NTRK2: variants seen among roughly 807,000 people sequenced by gnomAD.
NTRK2 encodes the protein BDNF/NT-3 growth factors receptor.
Under a neutral mutation model 94.5 loss-of-function variants are expected in NTRK2, and 13 were observed. That is an observed-to-expected ratio of 0.14 (90% CI 0.09 to 0.22). The LOEUF is 0.22. Ranked by LOEUF, NTRK2 falls within the 10% of genes least tolerant of loss-of-function variation. The probability of loss-of-function intolerance (pLI) is 1.00; values close to 1 mark genes in which losing one functional copy is unlikely to be tolerated. For missense variants in NTRK2, 639 were observed against 1,071.2 expected (o/e 0.60, Z 5.63); for synonymous variants, 372 against 407.4 (o/e 0.91, Z 1.05).
At chr9:84,738,961 C>T (rs2063443888) in intron 9 of NTRK2, among the ~76,000 whole-genome samples, 1 of 152,136 alleles carries the variant, frequency 6.6e-6, no homozygotes, top group Non-Finnish European at 1.5e-5. Flanking sequence ...AACAGTTTTG[C>T]TGGTGAACTT....
chr9:84,799,147 A>G (rs915720346), intron 12 of NTRK2, among the ~76,000 whole-genome samples: 1 of 151,878 alleles, frequency 6.6e-6, no homozygotes, highest in Non-Finnish European at 1.5e-5. Context: ...ACATCAATCA[A>G]GGGGAAAAAC....
chr9:84,737,285 A>C (rs2063328682), intron 9 of NTRK2, among the ~76,000 whole-genome samples: 1 of 152,180 alleles, frequency 6.6e-6, no homozygotes, highest in African/African-American at 2.4e-5. Context: ...TTTATCCAAC[A>C]AACCTGTTTT....
At chr9:84,725,989 G>A (rs941261729) in intron 8 of NTRK2, among the ~76,000 whole-genome samples, 1 of 152,112 alleles carries the variant, frequency 6.6e-6, no homozygotes, top group African/African-American at 2.4e-5. Context: ...TATCGGCTTT[G>A]CTTCTTCCTA....
chr9:84,683,007 C>A (rs1430538890), intron 2 of NTRK2, among the ~76,000 whole-genome samples: 1 of 152,108 alleles, frequency 6.6e-6, no homozygotes, highest in Non-Finnish European at 1.5e-5. Flanking sequence ...CTCTCTCTGG[C>A]CTCTCTTATA....
intron 12 of NTRK2, among the ~76,000 whole-genome samples, chr9:84,858,682 A>T (rs916897632): frequency 7.9e-5 from 12 of 152,088 alleles, no homozygotes; most frequent in Admixed American, 4.6e-4. Flanking sequence ...CTCATCCTCC[A>T]CCGAGAGCTT....
chr9:84,788,101 A>G (rs1488654350), intron 12 of NTRK2, among the ~76,000 whole-genome samples: 1 of 152,238 alleles, frequency 6.6e-6, no homozygotes, highest in Non-Finnish European at 1.5e-5. Context: ...TTACTATGGT[A>G]CATAATAAGC....
chr9:84,942,172 T>G (rs2078433835), intron 15 of NTRK2, among the ~76,000 whole-genome samples: 1 of 152,206 alleles, frequency 6.6e-6, no homozygotes, highest in African/African-American at 2.4e-5. Context: ...TTAATGAGTT[T>G]TTACATTTGT....
chr9:84,997,019 A>G (rs547898397), intron 17 of NTRK2, among the ~76,000 whole-genome samples: 4 of 152,330 alleles, frequency 2.6e-5, no homozygotes, highest in East Asian at 1.9e-4. Flanking sequence ...TTCACATTCA[A>G]CTGGGTGATA....
chr9:84,906,503 C>A (rs1311218566), intron 14 of NTRK2, among the ~76,000 whole-genome samples: 1 of 152,172 alleles, frequency 6.6e-6, no homozygotes, highest in African/African-American at 2.4e-5. Flanking sequence ...GTGGCGAAGG[C>A]CCCCATGCAG....
At chr9:84,923,855 G>A (rs889098851) in intron 14 of NTRK2, among the ~76,000 whole-genome samples, 7 of 151,656 alleles carry the variant, frequency 4.6e-5, no homozygotes, top group Non-Finnish European at 1.0e-4. Flanking sequence ...AACTGAGATC[G>A]CGCCACTGCA....
chr9:84,703,349 T>G (rs2060846359), intron 4 of NTRK2, among the ~76,000 whole-genome samples: 1 of 152,240 alleles, frequency 6.6e-6, no homozygotes, highest in African/African-American at 2.4e-5. Flanking sequence ...AGATCTTTTT[T>G]ATGCACATTT....
chr9:84,968,422 A>G (rs1013735201), intron 17 of NTRK2, among the ~76,000 whole-genome samples: 4 of 152,228 alleles, frequency 2.6e-5, no homozygotes, highest in Non-Finnish European at 5.9e-5. Context: ...TGGTTGCAAG[A>G]AGAAAAGGGA....
chr9:84,983,369 T>C (rs969416697), intron 17 of NTRK2, among the ~76,000 whole-genome samples: 1 of 152,200 alleles, frequency 6.6e-6, no homozygotes, highest in African/African-American at 2.4e-5. Context: ...GAAATCATCT[T>C]GAAGGACAGC....
intron 12 of NTRK2, chr9:84,813,931 A>T: frequency 2.8e-6 from 3 of 1,065,530 alleles, no homozygotes; most frequent in Non-Finnish European, 3.4e-6. Context: ...CTGCTGAGCT[A>T]GACTAAGGAA....
At position 84,674,001 on chromosome 9, in the gene NTRK2, A is replaced by G. The variant is rs148532443; in HGVS notation, c.212+3041A>G. Among the ~76,000 whole-genome samples, 17 of 152,348 alleles carry G rather than the reference A, an allele frequency of 1.1e-4. No homozygotes were observed. In the East Asian group the frequency reaches 2.9e-3, roughly 26 times the overall value. ...TGAAGCCTGTTGTTGGAATTATGTAACTGGCCGTTTAAATCCCAGTTGTAT... is the reference window on the plus strand; with the variant it reads ...TGAAGCCTGTTGTTGGAATTATGTAGCTGGCCGTTTAAATCCCAGTTGTAT... On this transcript the variant is annotated intron_variant, in intron 2 of 18. Coordinates refer to ENST00000277120, the MANE Select transcript of NTRK2 (RefSeq NM_006180.6).
At chr9:84,690,732 A>T (rs896351653) in intron 2 of NTRK2, among the ~76,000 whole-genome samples, 3 of 151,878 alleles carry the variant, frequency 2.0e-5, no homozygotes, top group African/African-American at 7.3e-5. Flanking sequence ...AAAAAAAATA[A>T]AAAAAATGAT....
intron 14 of NTRK2, among the ~76,000 whole-genome samples, chr9:84,878,449 C>G (rs1027302097): frequency 1.9e-4 from 29 of 151,940 alleles, no homozygotes; most frequent in African/African-American, 6.8e-4. Context: ...TCCTGGCCAA[C>G]ATGGTGAAAC....
At chr9:84,751,113 C>G (rs1311421447) in intron 11 of NTRK2, among the ~76,000 whole-genome samples, 1 of 152,184 alleles carries the variant, frequency 6.6e-6, no homozygotes, top group African/African-American at 2.4e-5. Flanking sequence ...GAACTCACCC[C>G]AGAAGTGCCC....
intron 6 of NTRK2, among the ~76,000 whole-genome samples, chr9:84,720,642 A>T (rs1250626013): frequency 1.3e-5 from 2 of 152,244 alleles, no homozygotes; most frequent in Non-Finnish European, 2.9e-5. Flanking sequence ...TAATTGAAAG[A>T]TAAACACAAA....
Sources: allele counts gnomAD v4.1 joint callset (sites outside exome capture counted in the v4.1 genomes callset), GRCh38; gene constraint gnomAD v4.1.1; transcripts MANE v1.5; gene names NCBI Gene and HGNC (gene_info 2026-07-23, HGNC 2026-07-21).